Variants in HMGA2 observed in about 807,000 individuals in gnomAD.
HMGA2 encodes high mobility group protein HMGI-C.
HMGA2 carries 8 observed loss-of-function variants against 19.1 expected under a neutral mutation model. The observed-to-expected ratio is 0.42, with a 90% CI of 0.25 to 0.76. The LOEUF is 0.76. Ranked by LOEUF, HMGA2 falls within the 30% of genes least tolerant of loss-of-function variation. HMGA2 has a pLI of 0.28. For missense variants in HMGA2, 109 were observed against 136.3 expected, an observed-to-expected ratio of 0.80 and a Z score of 1.00; for synonymous variants, 60 against 48.8, an observed-to-expected ratio of 1.23 and a Z score of -0.96.
At chr12:65,829,144 T>C (rs553628100) in intron 2 of HMGA2, 3 of 152,262 alleles carry the variant, frequency 2.0e-5, no homozygotes, top group African/African-American at 4.8e-5. Context: ...GTGATTTTCT[T>C]TGTGACTGTG....
chr12:65,908,269 G>A (rs994325593), intron 3 of HMGA2, among the ~76,000 whole-genome samples: 9 of 152,104 alleles, frequency 5.9e-5, no homozygotes, highest in African/African-American at 2.2e-4. Context: ...TCCCCTTCCT[G>A]CTTGGGAACA....
intron 3 of HMGA2, chr12:65,915,264 A>C: frequency 6.6e-7 from 1 of 1,518,020 alleles, no homozygotes; most frequent in Non-Finnish European, 8.8e-7. Flanking sequence ...ATCATTTCAA[A>C]ACACTGGCTT....
intron 3 of HMGA2, among the ~76,000 whole-genome samples, chr12:65,943,685 T>C (rs1876166288): frequency 6.6e-6 from 1 of 152,154 alleles, no homozygotes; most frequent in African/African-American, 2.4e-5. Flanking sequence ...AACTCCCCCA[T>C]AGATTTATCG....
intron 3 of HMGA2, among the ~76,000 whole-genome samples, chr12:65,893,659 A>G (rs1251958059): frequency 6.6e-6 from 1 of 152,186 alleles, no homozygotes; most frequent in Non-Finnish European, 1.5e-5. Context: ...CCTGCATTTC[A>G]GGGGGTGAAT....
At chr12:65,843,244 G>A in intron 3 of HMGA2, 1 of 224,410 alleles carries the variant, frequency 4.5e-6, no homozygotes. Flanking sequence ...TTCTCAGGCT[G>A]CTGATTCCCT....
chr12:65,841,852 T>C (rs1467380662), intron 3 of HMGA2, among the ~76,000 whole-genome samples: 2 of 152,196 alleles, frequency 1.3e-5, no homozygotes, highest in Non-Finnish European at 2.9e-5. Context: ...TTGGGATCCA[T>C]ATGGGTAGGT....
intron 3 of HMGA2, chr12:65,851,568 TA>T (rs1385269274): frequency 1.6e-5 from 6 of 380,794 alleles, no homozygotes; most frequent in Non-Finnish European, 3.2e-5. Flanking sequence ...CGGGCACCTG[TA>T]ATTCCAGCGA....
chr12:65,860,076 A>C (rs1871972451), intron 3 of HMGA2: 1 of 448,752 alleles, frequency 2.2e-6, no homozygotes, highest in African/African-American at 2.0e-5. Flanking sequence ...TGGGCAACAG[A>C]GCAAGACTCT....
chr12:65,873,506 A>G (rs1872812443), intron 3 of HMGA2, among the ~76,000 whole-genome samples: 1 of 152,234 alleles, frequency 6.6e-6, no homozygotes, highest in Non-Finnish European at 1.5e-5. Flanking sequence ...AAAAAAAGAA[A>G]GAAGGAAAAG....
intron 3 of HMGA2, chr12:65,842,773 G>T: frequency 7.3e-7 from 1 of 1,369,004 alleles, no homozygotes. Flanking sequence ...TTGAAATTTG[G>T]CATTTAATTA....
In HMGA2 at chr12:65,963,469, G is replaced by T; in HGVS notation, c.*177G>T. ...GGAGAAATCACATAACCTTAAAAAG[G>T]ACTATATTAATCACCTTCTTTGTAA... is the stretch of plus-strand genomic sequence containing the variant. On this transcript the variant is annotated 3_prime_UTR_variant, in exon 5 of 5. Coordinates refer to ENST00000403681, the MANE Select transcript of HMGA2 (RefSeq NM_003483.6). The T allele has an allele frequency of 1.6e-6, 1 of 617,870 alleles. No homozygotes were observed. Among genetic ancestry groups the T allele is most frequent in the Non-Finnish European group, 2.9e-6 (1 of 348,796 alleles). The allele number at this position is 617,870 out of a possible 1,614,324, so 38.3% of individuals were successfully genotyped here.
chr12:65,867,790 A>G, intron 3 of HMGA2: 1 of 181,732 alleles, frequency 5.5e-6, no homozygotes, highest in South Asian at 1.3e-4. Context: ...TCTGAACAGG[A>G]CTATAAGCAT....
intron 3 of HMGA2, among the ~76,000 whole-genome samples, chr12:65,910,494 T>G (rs1386319606): frequency 6.6e-6 from 1 of 152,200 alleles, no homozygotes; most frequent in Non-Finnish European, 1.5e-5. Flanking sequence ...TGTCCCAATG[T>G]TATAGATTAT....
chr12:65,845,288 C>T (rs1871185954), intron 3 of HMGA2, among the ~76,000 whole-genome samples: 2 of 151,884 alleles, frequency 1.3e-5, no homozygotes, highest in African/African-American at 2.4e-5. Context: ...GTTTTGTTTT[C>T]GAGACAGTTT....
At chr12:65,941,810 T>C (rs1186239308) in intron 3 of HMGA2, among the ~76,000 whole-genome samples, 1 of 152,234 alleles carries the variant, frequency 6.6e-6, no homozygotes, top group Admixed American at 6.5e-5. Flanking sequence ...TGGAACCAAA[T>C]AAATTTTCTG....
At chr12:65,909,740 G>T (rs540901792) in intron 3 of HMGA2, among the ~76,000 whole-genome samples, 4 of 152,086 alleles carry the variant, frequency 2.6e-5, no homozygotes, top group Non-Finnish European at 4.4e-5. Context: ...CACATCCACG[G>T]GCATGAATAT....
chr12:65,866,328 G>A (rs1290978476), intron 3 of HMGA2, among the ~76,000 whole-genome samples: 5 of 152,176 alleles, frequency 3.3e-5, no homozygotes, highest in Non-Finnish European at 7.3e-5. Context: ...AGCCTTATAA[G>A]AGCAAAGAAG....
At chr12:65,880,490 A>G (rs1873317411) in intron 3 of HMGA2, among the ~76,000 whole-genome samples, 1 of 152,226 alleles carries the variant, frequency 6.6e-6, no homozygotes, top group Non-Finnish European at 1.5e-5. Flanking sequence ...TTAGAGCTAT[A>G]TGGGAAATTA....
At chr12:65,838,424 A>G in intron 2 of HMGA2, 95 bp from the exon 3 acceptor site, 1 of 948,046 alleles carries the variant, frequency 1.1e-6, no homozygotes, top group African/African-American at 1.7e-5. Flanking sequence ...GTCATCTGCA[A>G]AGCAGAACAT....
Sources: allele counts gnomAD v4.1 joint callset (sites outside exome capture counted in the v4.1 genomes callset), GRCh38; gene constraint gnomAD v4.1.1; transcripts MANE v1.5; gene names NCBI Gene and HGNC (gene_info 2026-07-23, HGNC 2026-07-21).